TXNL1: variants seen among roughly 807,000 people sequenced by gnomAD.
TXNL1 encodes the protein thioredoxin-like protein 1.
In TXNL1, 14 loss-of-function variants were observed where a neutral mutation model predicts 35.5. The observed-to-expected ratio is 0.39, with a 90% CI of 0.26 to 0.62. The LOEUF (loss-of-function observed/expected upper bound fraction) is 0.62. Ranked by LOEUF, TXNL1 falls within the 20% of genes least tolerant of loss-of-function variation. The probability of loss-of-function intolerance (pLI) is 0.47; values close to 1 mark genes in which losing one functional copy is unlikely to be tolerated. For missense variants in TXNL1, 263 were observed against 349.7 expected, an observed-to-expected ratio of 0.75 and a Z score of 1.98; for synonymous variants, 110 against 115.5, an observed-to-expected ratio of 0.95 and a Z score of 0.31.
intron 1 of TXNL1, among the ~76,000 whole-genome samples, chr18:56,628,396 G>A (rs1335989791): frequency 1.3e-5 from 2 of 152,132 alleles, no homozygotes; most frequent in African/African-American, 4.8e-5. Flanking sequence ...AGTATTATTA[G>A]TAATAGTTCT....
chr18:56,621,942 G>C (rs2024194236), intron 3 of TXNL1, among the ~76,000 whole-genome samples: 1 of 146,602 alleles, frequency 6.8e-6, no homozygotes, highest in African/African-American at 2.5e-5. Flanking sequence ...GCAGGGGCCA[G>C]GGGGACGGTG....
rs1278453892 is a variant in TXNL1 at position 56,597,255 on chromosome 18, T to C, written c.*5772A>G. On this transcript the variant is annotated 3_prime_UTR_variant, in exon 8 of 8. Coordinates refer to ENST00000217515, the MANE Select transcript of TXNL1 (RefSeq NM_004786.3). The stretch of plus-strand genomic sequence containing the variant: ...GACAACTTCAAAGCAGTGTTTCATA[T>C]TCTCTTACAAAATAGTGCCATCCAT... 6.6e-6 allele frequency: 1 copy of C among 152,228 alleles called. No individual in the cohort carries two copies. The highest frequency in any genetic ancestry group is 2.4e-5 in the African/African-American group (1 of 41,450). 9.4% of individuals were successfully genotyped at this position (152,228 alleles called of 1,614,324 possible).
At chr18:56,606,090 T>C (rs561595666) in intron 7 of TXNL1, among the ~76,000 whole-genome samples, 75 of 152,280 alleles carry the variant, frequency 4.9e-4, no homozygotes, top group African/African-American at 1.6e-3. Flanking sequence ...AATTTTCAAT[T>C]CTAGGCCAGG....
At chr18:56,635,051 C>T (rs2024434583) in intron 1 of TXNL1, among the ~76,000 whole-genome samples, 1 of 152,072 alleles carries the variant, frequency 6.6e-6, no homozygotes, top group African/African-American at 2.4e-5. Context: ...CGCTTGAAGC[C>T]AGGATTTAGA....
chr18:56,616,401 A>AC, intron 4 of TXNL1, 87 bp from the exon 5 acceptor site: 1 of 1,253,262 alleles, frequency 8.0e-7, no homozygotes. Context: ...ATAACAGGCA[A>AC]GAAAAAAAAA....
rs761022631 is a variant in TXNL1 at position 56,626,436 on chromosome 18, A to G, written c.120T>C (p.Ile40=). ...TACTCATAGAACTGAATGCTGGGGC[A>G]ATCCTCAAACATGGCCCACACCTGT... The part of the protein sequence containing the change: ...TMRGCGPCLR[I]APAFSSMSNK... Residue 40 remains isoleucine (I), a synonymous_variant, in exon 2 of 8, where the codon ATT becomes ATC. Coordinates refer to ENST00000217515, the MANE Select transcript of TXNL1 (RefSeq NM_004786.3). The G allele has an allele frequency of 6.2e-7, 1 of 1,613,130 alleles. No individual in the cohort carries two copies. The highest frequency in any genetic ancestry group is 1.1e-5 in the South Asian group (1 of 90,908).
At chr18:56,613,616 C>G (rs925823365) in intron 6 of TXNL1, among the ~76,000 whole-genome samples, 6 of 152,004 alleles carry the variant, frequency 3.9e-5, no homozygotes, top group African/African-American at 1.2e-4. Context: ...GAGTTTGAGA[C>G]CAGCCTGGGC....
intron 4 of TXNL1, among the ~76,000 whole-genome samples, chr18:56,617,649 C>T (rs1159168273): frequency 6.6e-6 from 1 of 152,162 alleles, no homozygotes; most frequent in Non-Finnish European, 1.5e-5. Context: ...AGGGAGTGCT[C>T]ATTTCATTAG....
intron 4 of TXNL1, among the ~76,000 whole-genome samples, chr18:56,617,758 C>T (rs544903424): frequency 5.3e-4 from 80 of 152,322 alleles, no homozygotes; most frequent in African/African-American, 1.8e-3. Context: ...GAGCTCAATT[C>T]TGCAGTGGGT....
At chr18:56,606,339 T>C (rs1240181779) in intron 7 of TXNL1, among the ~76,000 whole-genome samples, 2 of 152,026 alleles carry the variant, frequency 1.3e-5, no homozygotes, top group Non-Finnish European at 2.9e-5. Context: ...ATCACACCAC[T>C]GCACTCCAGC....
chr18:56,609,050 T>A (rs1415700708), intron 7 of TXNL1: 2 of 152,152 alleles, frequency 1.3e-5, no homozygotes, highest in African/African-American at 2.4e-5. Context: ...AAAATATTCA[T>A]TAACATGTGT....
rs2023778073 is a variant in TXNL1, at chr18:56,599,169, TA to T, written c.*3857del. On this transcript the variant is annotated 3_prime_UTR_variant, in exon 8 of 8. Transcript: ENST00000217515. ...GTTATCTCTTTATCTTATAGTTCTC[TA>T]ATTACACATTCTCCAACTAATAATT... The T allele has an allele frequency of 6.6e-6, 1 of 152,166 alleles. No homozygotes were observed. Among genetic ancestry groups the T allele is most frequent in the Non-Finnish European group, 1.5e-5 (1 of 68,032 alleles). 9.4% of individuals were successfully genotyped at this position (152,166 alleles called of 1,614,324 possible).
intron 1 of TXNL1, among the ~76,000 whole-genome samples, 162 bp downstream of exon 1, chr18:56,638,181 T>C (rs2024487465): frequency 6.6e-6 from 1 of 150,728 alleles, no homozygotes; most frequent in South Asian, 2.1e-4. Flanking sequence ...TAAATGGGGG[T>C]TCACACCCGA....
intron 3 of TXNL1, among the ~76,000 whole-genome samples, chr18:56,621,852 T>A (rs1198722899): frequency 6.6e-6 from 1 of 151,650 alleles, no homozygotes; most frequent in Non-Finnish European, 1.5e-5. Flanking sequence ...ATACAAAAAG[T>A]AGCTGGGTGT....
chr18:56,616,305 T>C lies in TXNL1; in HGVS notation c.502A>G (p.Thr168Ala), dbSNP rs776264649. The C allele has an allele frequency of 6.2e-7, 1 of 1,613,510 alleles. No homozygotes were observed. Among genetic ancestry groups the C allele is most frequent in the South Asian group, 1.1e-5 (1 of 91,046 alleles). The change falls in exon 5 of 8, where the codon ACT becomes GCT. Residue 168 changes from threonine to alanine, a missense_variant. Physicochemically the swap from Thr to Ala is moderately conservative, Grantham distance 58 (BLOSUM62 0). Transcript: ENST00000217515. Reference protein sequence around the residue: ...ESDCDEQLLITVAFNQPVKLY... With the variant: ...ESDCDEQLLIAVAFNQPVKLY... ...TTAACAGGTTGATTGAATGCCACAG[T>C]AATAAGCAGCTGTGAAGATAAGAGT...
chr18:56,618,207 C>T, intron 3 of TXNL1, 81 bp from the exon 4 acceptor site: 4 of 1,426,964 alleles, frequency 2.8e-6, no homozygotes, highest in South Asian at 1.3e-5. Context: ...CTCTGATTCT[C>T]TTTAGGCAAT....
At chr18:56,603,885 A>AGATTTCT (rs2023847148) in intron 7 of TXNL1, among the ~76,000 whole-genome samples, 1 of 152,220 alleles carries the variant, frequency 6.6e-6, no homozygotes, top group African/African-American at 2.4e-5. Flanking sequence ...TTGTGTAGAA[A>AGATTTCT]GATTTCTGTG....
intron 7 of TXNL1, chr18:56,610,741 C>G (rs944797338): frequency 3.8e-5 from 9 of 234,772 alleles, no homozygotes; most frequent in Non-Finnish European, 4.9e-5. Context: ...TATTTTTACC[C>G]TTATGTTGAT....
At chr18:56,627,760 A>G (rs963641370) in intron 1 of TXNL1, among the ~76,000 whole-genome samples, 1 of 152,124 alleles carries the variant, frequency 6.6e-6, no homozygotes, top group African/African-American at 2.4e-5. Context: ...TCTAAATGTA[A>G]AAGGTGAAAC....
Sources: gnomAD v4.1 joint callset for allele counts (sites outside exome capture counted in the v4.1 genomes callset) on GRCh38, gnomAD v4.1.1 for gene constraint, MANE v1.5 for transcripts, NCBI Gene and HGNC (gene_info 2026-07-23, HGNC 2026-07-21) for gene names.